MMP27: variants seen among roughly 807,000 people sequenced by gnomAD.
MMP27 encodes matrix metallopeptidase 27, also known as matrix metalloproteinase-27.
MMP27 carries 51 observed loss-of-function variants against 48.1 expected under a neutral mutation model. The ratio of observed to expected loss-of-function variants is 1.06; its 90% CI spans 0.85 to 1.34. The LOEUF (loss-of-function observed/expected upper bound fraction) is 1.34, where lower values mean the gene tolerates loss of function less well. MMP27 is among the 40% of genes most tolerant of loss of function. The pLI, the probability that MMP27 is intolerant of heterozygous loss-of-function variation, is 0.00. For synonymous variants in MMP27, 229 were observed against 208.9 expected (o/e 1.10, Z -0.83); for missense variants, 698 against 619.3 (o/e 1.13, Z -1.35).
In MMP27 at chr11:102,691,969, C is replaced by A; in HGVS notation, c.1339G>T (p.Asp447Tyr). The change falls in exon 10 of 10, where the codon GAC becomes TAC. Residue 447 changes from aspartate (D) to tyrosine (Y), a missense_variant. By Grantham distance (160) the Asp-to-Tyr change is radical (BLOSUM62 -3). Coordinates refer to ENST00000260229, the MANE Select transcript of MMP27 (RefSeq NM_022122.3). ...CGGGTAATATTCTTTGTCTTAATGT[C>A]GTATTCAAATTGCTTTGATCCACGG... ...FSRGSKQFEY[D>Y]IKTKNITRIM... 6.2e-7 allele frequency: 1 copy of A among 1,610,218 alleles called. No homozygotes were observed. Among genetic ancestry groups the A allele is most frequent in the Non-Finnish European group, 8.5e-7 (1 of 1,178,056 alleles).
chr11:102,701,365 G>T (rs2846702), intron 4 of MMP27, among the ~76,000 whole-genome samples: 140,817 of 152,180 alleles, frequency 0.93, 65,208 homozygotes, highest in East Asian at 1. Context: ...TGGGTAAGAG[G>T]AACTGCTACT....
chr11:102,704,477 C>T (rs1861006552), intron 2 of MMP27, 60 bp downstream of exon 2: 5 of 1,303,696 alleles, frequency 3.8e-6, no homozygotes, highest in Non-Finnish European at 5.5e-6. Flanking sequence ...TATTCTGTTC[C>T]TTGGAAATTA....
intron 7 of MMP27, 121 bp downstream of exon 7, chr11:102,694,846 G>C: frequency 1.8e-6 from 2 of 1,093,566 alleles, no homozygotes; most frequent in Non-Finnish European, 2.6e-6. Flanking sequence ...AGGAACCTAA[G>C]ATGAGAGCAA....
At chr11:102,699,046 A>C (rs1860887555) in intron 4 of MMP27, among the ~76,000 whole-genome samples, 1 of 152,226 alleles carries the variant, frequency 6.6e-6, no homozygotes, top group Admixed American at 6.5e-5. Flanking sequence ...GTCTAATGCA[A>C]AAATGGTTAG....
chr11:102,705,112 T>TA (rs1861022860), intron 1 of MMP27, among the ~76,000 whole-genome samples: 1 of 152,228 alleles, frequency 6.6e-6, no homozygotes, highest in Non-Finnish European at 1.5e-5. Flanking sequence ...TTTTTGCTGT[T>TA]ACTTTCATTT....
At chr11:102,704,871 T>A in intron 1 of MMP27, 96 bp from the exon 2 acceptor site, 1 of 714,242 alleles carries the variant, frequency 1.4e-6, no homozygotes, top group Non-Finnish European at 2.3e-6. Flanking sequence ...AAATTCCTTC[T>A]GGCAATAGGA....
chr11:102,697,863 T>C (rs2134268086), intron 4 of MMP27, among the ~76,000 whole-genome samples: 1 of 152,264 alleles, frequency 6.6e-6, no homozygotes, highest in Non-Finnish European at 1.5e-5. Context: ...AACACAAACT[T>C]GTTGTACAGC....
In MMP27 at chr11:102,696,666, T is replaced by G; in HGVS notation, c.781+8A>C. The G allele has an allele frequency of 6.3e-7, 1 of 1,596,310 alleles. No individual in the cohort carries two copies. On this transcript the variant is annotated splice_region_variant and intron_variant, in intron 5 of 9. Coordinates refer to ENST00000260229, the MANE Select transcript of MMP27 (RefSeq NM_022122.3). Reference sequence around the variant, plus strand: ...TTCACATATATTGAGATTTATAATTTTGCTCACCATAGATGGACTGGATTC... The same window carrying G: ...TTCACATATATTGAGATTTATAATTGTGCTCACCATAGATGGACTGGATTC...
intron 6 of MMP27, among the ~76,000 whole-genome samples, chr11:102,695,669 T>C (rs987260939): frequency 2.0e-5 from 3 of 152,220 alleles, no homozygotes; most frequent in African/African-American, 7.2e-5. Flanking sequence ...TGTAACGCGA[T>C]ATATTCATGG....
At position 102,703,054 on chromosome 11, in the gene MMP27, C is replaced by G. The variant is rs1860974704; in HGVS notation, c.406G>C (p.Glu136Gln). 6.2e-7 allele frequency: 1 copy of G among 1,614,168 alleles called. No homozygotes were observed. The highest frequency in any genetic ancestry group is 1.7e-5 in the Admixed American group (1 of 60,028). Residue 136 changes from glutamate to glutamine, a missense_variant, in exon 3 of 10, where the codon GAA becomes CAA. Transcript: ENST00000260229. ...AGTGGAGTGACTTTGCTCCACACTT[C>G]TAAACCTTCTTGGATAGCCTCATCC... ...AVDEAIQEGL[E>Q]VWSKVTPLKF... is the part of the protein sequence containing the mutation.
At chr11:102,695,125 A>T (rs10895351) in intron 6 of MMP27, 28 bp from the exon 7 acceptor site, 296,955 of 1,605,698 alleles carry the variant, frequency 0.18, 29,409 homozygotes, top group Non-Finnish European at 0.2. Flanking sequence ...CACTTTACAC[A>T]TGCAGCCTAT....
rs748163434 is a variant in MMP27, at chr11:102,692,018, C to G, written c.1298-8G>C. On this transcript the variant is annotated splice_region_variant and splice_polypyrimidine_tract_variant and intron_variant, in intron 9 of 9. Transcript: ENST00000260229. ...GGCTGAAAAAGAAGAATCCTAGAGA[C>G]AGGGAATCAGGATTAGTTATCTTTC... 2.5e-6 allele frequency: 4 copies of G among 1,583,958 alleles called. No homozygotes were observed. Among genetic ancestry groups the G allele is most frequent in the South Asian group, 1.2e-5 (1 of 86,146 alleles).
chr11:102,700,207 C>T (rs1488283607), intron 4 of MMP27, among the ~76,000 whole-genome samples: 2 of 152,178 alleles, frequency 1.3e-5, no homozygotes, highest in African/African-American at 2.4e-5. Context: ...ACTTTATTTA[C>T]CAATGATTTG....
At chr11:102,694,837 G>T (rs975502107) in intron 7 of MMP27, 130 bp downstream of exon 7, 2 of 965,534 alleles carry the variant, frequency 2.1e-6, no homozygotes, top group African/African-American at 3.3e-5. Flanking sequence ...CTTTACGACA[G>T]GAACCTAAGA....
chr11:102,695,779 T>G (rs573627434), intron 6 of MMP27, among the ~76,000 whole-genome samples: 1 of 152,358 alleles, frequency 6.6e-6, no homozygotes, highest in African/African-American at 2.4e-5. Flanking sequence ...GGTCATGGTC[T>G]ACATAACTGA....
At chr11:102,704,393 G>T (rs1176541469) in intron 2 of MMP27, 144 bp downstream of exon 2, 4 of 707,162 alleles carry the variant, frequency 5.7e-6, no homozygotes, top group Non-Finnish European at 9.9e-6. Flanking sequence ...GCACAGGTTT[G>T]TTGGGAAGAT....
At chr11:102,694,118 A>C in intron 7 of MMP27, 53 bp from the exon 8 acceptor site, 1,326 of 1,344,298 alleles carry the variant, frequency 9.9e-4, no homozygotes, top group Non-Finnish European at 1.2e-3. Flanking sequence ...TAGGTATCTC[A>C]AGAAATTTAA....
chr11:102,691,949 A>G lies in MMP27; in HGVS notation c.1359T>C (p.Ile453=), dbSNP rs1260891454. ...AAGTATTAGTTCTCATGATTCGGGTAATATTCTTTGTCTTAATGTCGTATT... is the reference window on the plus strand; with the variant it reads ...AAGTATTAGTTCTCATGATTCGGGTGATATTCTTTGTCTTAATGTCGTATT... ...QFEYDIKTKN[I]TRIMRTNTWF... Residue 453 remains isoleucine (I), a synonymous_variant, in exon 10 of 10, where the codon ATT becomes ATC. Transcript: ENST00000260229. The G allele has an allele frequency of 2.5e-6, 4 of 1,613,140 alleles. No homozygotes were observed. Among genetic ancestry groups the G allele is most frequent in the African/African-American group, 2.7e-5 (2 of 75,034 alleles).
chr11:102,698,077 T>C (rs1266886052), intron 4 of MMP27, among the ~76,000 whole-genome samples: 3 of 151,940 alleles, frequency 2.0e-5, no homozygotes, highest in African/African-American at 7.3e-5. Flanking sequence ...CTTTCTTTCT[T>C]TTTTTTTGTA....
Sources: gnomAD v4.1 joint callset for allele counts (sites outside exome capture counted in the v4.1 genomes callset) on GRCh38, gnomAD v4.1.1 for gene constraint, MANE v1.5 for transcripts, NCBI Gene and HGNC (gene_info 2026-07-23, HGNC 2026-07-21) for gene names.